CTNND2: variants seen among roughly 807,000 people sequenced by gnomAD.
CTNND2 encodes the protein catenin delta-2.
Under a neutral mutation model 144.4 loss-of-function variants are expected in CTNND2, and 22 were observed. That is an observed-to-expected ratio of 0.15 (90% CI 0.11 to 0.22). The LOEUF (loss-of-function observed/expected upper bound fraction) is 0.22, where lower values mean the gene tolerates loss of function less well. Ranked by LOEUF, CTNND2 falls within the 10% of genes least tolerant of loss-of-function variation. The probability of loss-of-function intolerance (pLI) is 1.00; values close to 1 mark genes in which losing one functional copy is unlikely to be tolerated. For missense variants in CTNND2, 1,353 were observed against 1,618.8 expected (o/e 0.84, Z 2.82); for synonymous variants, 751 against 695.6 (o/e 1.08, Z -1.25).
At chr5:11,862,018 T>C (rs942677994) in intron 1 of CTNND2, among the ~76,000 whole-genome samples, 1 of 152,182 alleles carries the variant, frequency 6.6e-6, no homozygotes, top group Non-Finnish European at 1.5e-5. Flanking sequence ...TTGTGCCCAA[T>C]CCCTCTAAAC....
chr5:11,516,050 T>C (rs894944828), intron 3 of CTNND2, among the ~76,000 whole-genome samples: 14 of 152,028 alleles, frequency 9.2e-5, no homozygotes, highest in African/African-American at 2.9e-4. Context: ...GAGGCTGCAG[T>C]GTGCCATGAA....
At position 11,222,748 on chromosome 5, in the gene CTNND2, G is replaced by A. The variant is rs114529026; in HGVS notation, c.1761+13943C>T. 7.8e-3 allele frequency among the ~76,000 whole-genome samples: 1,182 copies of A among 152,296 alleles called. 7 individuals are homozygous for A. The highest frequency in any genetic ancestry group is 0.01 in the Non-Finnish European group (684 of 68,036). On this transcript the variant is annotated intron_variant, in intron 10 of 21. Transcript: ENST00000304623. ...TTGAGTTCAGGAGGTCAAGGCTGCA[G>A]TGAACCCTGATCACACCACTGCACT...
chr5:11,428,311 GT>G (rs1405193328), intron 3 of CTNND2, among the ~76,000 whole-genome samples: 17 of 152,282 alleles, frequency 1.1e-4, no homozygotes, highest in Non-Finnish European at 2.1e-4. Flanking sequence ...GCCTTCAGTG[GT>G]TTTTTAATAA....
intron 3 of CTNND2, among the ~76,000 whole-genome samples, chr5:11,421,238 C>T (rs1762338048): frequency 6.6e-6 from 1 of 152,204 alleles, no homozygotes. Flanking sequence ...AGCTCCAGTT[C>T]TGAGAAGTTC....
intron 15 of CTNND2, among the ~76,000 whole-genome samples, chr5:11,091,442 C>G (rs1321322164): frequency 6.6e-6 from 1 of 152,068 alleles, no homozygotes; most frequent in Admixed American, 6.6e-5. Flanking sequence ...TCTGTCAGTT[C>G]TTAGTTTTCA....
At position 11,699,280 on chromosome 5, in the gene CTNND2, G is replaced by A. The variant is rs191957884; in HGVS notation, c.174+32856C>T. 2.7e-3 allele frequency among the ~76,000 whole-genome samples: 413 copies of A among 152,168 alleles called. 3 individuals are homozygous for A. The highest frequency in any genetic ancestry group is 9.5e-3 in the African/African-American group (394 of 41,502). On this transcript the variant is annotated intron_variant, in intron 2 of 21. Transcript: ENST00000304623. ...CTCAGGATAGAGGCCAAGAGTCCACGGGGAGACAAAGTGGAGAGTGTGGAA... is the reference window on the plus strand; with the variant it reads ...CTCAGGATAGAGGCCAAGAGTCCACAGGGAGACAAAGTGGAGAGTGTGGAA...
At chr5:11,540,914 G>T (rs1774670493) in intron 3 of CTNND2, among the ~76,000 whole-genome samples, 1 of 152,214 alleles carries the variant, frequency 6.6e-6, no homozygotes, top group Non-Finnish European at 1.5e-5. Flanking sequence ...CAGGGGTTGA[G>T]TGAATATTGG....
chr5:11,857,845 T>C (rs73743293), intron 1 of CTNND2, among the ~76,000 whole-genome samples: 5,329 of 152,250 alleles, frequency 0.035, 117 homozygotes, highest in African/African-American at 0.061. Flanking sequence ...TAACATGATA[T>C]ATTATGATTT....
Position 11,589,285 on chromosome 5 carries a change from A to ACG in CTNND2, c.175-24230_175-24229insCG, listed in dbSNP as rs139162532. On this transcript the variant is annotated intron_variant, in intron 2 of 21. Transcript: ENST00000304623. The stretch of plus-strand genomic sequence containing the variant: ...GCTATCTGTATGTTAACATTAAAAC[A>ACG]CACACACACACACACACACACACAC... Among the ~76,000 whole-genome samples, 1,133 of 146,862 alleles carry ACG rather than the reference A, an allele frequency of 7.7e-3. 9 individuals are homozygous for ACG. Among genetic ancestry groups the ACG allele is most frequent in the East Asian group, 0.02 (104 of 5,084 alleles).
At chr5:11,216,408 G>A (rs1472039413) in intron 10 of CTNND2, among the ~76,000 whole-genome samples, 1 of 152,218 alleles carries the variant, frequency 6.6e-6, no homozygotes, top group African/African-American at 2.4e-5. Context: ...TTTCAAAGCC[G>A]AAGAGAGTGG....
At chr5:11,819,928 C>G (rs1472371365) in intron 1 of CTNND2, among the ~76,000 whole-genome samples, 1 of 152,178 alleles carries the variant, frequency 6.6e-6, no homozygotes, top group Non-Finnish European at 1.5e-5. Flanking sequence ...AAGCTCTTCC[C>G]TGACTGCTAA....
chr5:11,429,827 C>T (rs950793205), intron 3 of CTNND2, among the ~76,000 whole-genome samples: 1 of 152,146 alleles, frequency 6.6e-6, no homozygotes, highest in Non-Finnish European at 1.5e-5. Flanking sequence ...CATTATCAAC[C>T]TAGGGGAAAA....
chr5:11,592,716 C>T (rs777865856), intron 2 of CTNND2, among the ~76,000 whole-genome samples: 3 of 151,620 alleles, frequency 2.0e-5, no homozygotes, highest in Non-Finnish European at 4.4e-5. Context: ...ATCAAAACCT[C>T]AGCATGCTTT....
chr5:11,424,442 C>T (rs1165799860), intron 3 of CTNND2, among the ~76,000 whole-genome samples: 1 of 151,518 alleles, frequency 6.6e-6, no homozygotes, highest in Non-Finnish European at 1.5e-5. Context: ...GACAAAACTG[C>T]ATGGAACTAA....
chr5:11,338,488 G>A (rs540754534), intron 9 of CTNND2, among the ~76,000 whole-genome samples: 3 of 152,288 alleles, frequency 2.0e-5, no homozygotes, highest in African/African-American at 7.2e-5. Flanking sequence ...CCTAGAGGAA[G>A]GTCTGTATAC....
At chr5:11,801,517 T>C (rs779080555) in intron 1 of CTNND2, among the ~76,000 whole-genome samples, 7 of 152,354 alleles carry the variant, frequency 4.6e-5, no homozygotes, top group Non-Finnish European at 1.0e-4. Flanking sequence ...CCAACTATTA[T>C]AGTTTCCATT....
chr5:11,432,962 T>C (rs2149877506), intron 3 of CTNND2, among the ~76,000 whole-genome samples: 1 of 152,152 alleles, frequency 6.6e-6, no homozygotes, highest in South Asian at 2.1e-4. Flanking sequence ...AATTATTTAC[T>C]AGCCGGGTGC....
chr5:11,006,105 G>A (rs900282833), intron 18 of CTNND2, among the ~76,000 whole-genome samples: 6 of 152,140 alleles, frequency 3.9e-5, no homozygotes, highest in African/African-American at 1.4e-4. Context: ...ACATTAGCAG[G>A]TATAGGGTCC....
At chr5:11,490,000 C>T (rs960763630) in intron 3 of CTNND2, among the ~76,000 whole-genome samples, 1 of 152,162 alleles carries the variant, frequency 6.6e-6, no homozygotes, top group Admixed American at 6.5e-5. Flanking sequence ...ACTCCTGGCC[C>T]ACACTGACAG....
Sources: allele counts gnomAD v4.1 joint callset (sites outside exome capture counted in the v4.1 genomes callset), GRCh38; gene constraint gnomAD v4.1.1; transcripts MANE v1.5; gene names NCBI Gene and HGNC (gene_info 2026-07-23, HGNC 2026-07-21).